Variants in NAP1L1 observed in about 807,000 individuals in gnomAD.
NAP1L1 encodes nucleosome assembly protein 1 like 1.
A neutral mutation model predicts 58.9 loss-of-function variants in NAP1L1; 9 were observed. That is an observed-to-expected ratio of 0.15 (90% CI 0.09 to 0.27). The LOEUF (loss-of-function observed/expected upper bound fraction) is 0.27. NAP1L1 is among the 10% of genes least tolerant of loss of function. The pLI, the probability that NAP1L1 is intolerant of heterozygous loss-of-function variation, is 1.00. For missense variants in NAP1L1, 302 were observed against 458.8 expected (o/e 0.66, Z 3.12); for synonymous variants, 130 against 138.3 (o/e 0.94, Z 0.42).
At chr12:76,081,113 T>C (rs1950390097) in intron 1 of NAP1L1, among the ~76,000 whole-genome samples, 1 of 152,104 alleles carries the variant, frequency 6.6e-6, no homozygotes, top group Non-Finnish European at 1.5e-5. Flanking sequence ...TTTCAGGTAT[T>C]CTAAGCAACA....
rs944720899 is a variant in NAP1L1, at chr12:76,039,828, G to A, written c.*8601C>T. On this transcript the variant is annotated 3_prime_UTR_variant, in exon 15 of 15. Coordinates refer to ENST00000618691, the MANE Select transcript of NAP1L1 (RefSeq NM_004537.7). ...TATTTTTATTATCTTAATGTTAAAC[G>A]AACACTTAGTTCTCCCCAAATTGCT... The A allele has an allele frequency of 2.6e-5, 4 of 152,080 alleles. No individual in the cohort carries two copies. Among genetic ancestry groups the A allele is most frequent in the Non-Finnish European group, 5.9e-5 (4 of 68,010 alleles). 9.4% of individuals were successfully genotyped at this position (152,080 alleles called of 1,614,324 possible).
intron 3 of NAP1L1, among the ~76,000 whole-genome samples, chr12:76,067,983 C>G (rs548406194): frequency 1.5e-4 from 23 of 152,246 alleles, no homozygotes; most frequent in Non-Finnish European, 2.9e-4. Flanking sequence ...TTGGGACAGT[C>G]AAAGACTGTA....
At chr12:76,060,307 C>T in intron 4 of NAP1L1, 28 bp from the exon 5 acceptor site, 2 of 1,603,138 alleles carry the variant, frequency 1.2e-6, no homozygotes, top group Middle Eastern at 1.7e-4. Flanking sequence ...AGTTATATAG[C>T]ATCAGAGTAA....
At chr12:76,050,471 C>G (rs1948765526) in intron 12 of NAP1L1, 60 bp downstream of exon 12, 1 of 1,526,828 alleles carries the variant, frequency 6.5e-7, no homozygotes, top group Non-Finnish European at 8.8e-7. Context: ...TAATCTATTA[C>G]CAATTCTGAC....
At chr12:76,049,559 A>C in intron 13 of NAP1L1, 197 bp downstream of exon 13, 1 of 1,533,704 alleles carries the variant, frequency 6.5e-7, no homozygotes, top group Non-Finnish European at 8.7e-7. Context: ...AAATAAAAAA[A>C]TGTTGCTGAG....
At chr12:76,061,657 A>T (rs900782280) in intron 4 of NAP1L1, among the ~76,000 whole-genome samples, 2 of 152,350 alleles carry the variant, frequency 1.3e-5, no homozygotes, top group African/African-American at 4.8e-5. Context: ...CACACTTAAA[A>T]TTTAAATAAC....
At position 76,042,969 on chromosome 12, in the gene NAP1L1, C is replaced by T. The variant is rs937895907; in HGVS notation, c.*5460G>A. 6.6e-6 allele frequency: 1 copy of T among 152,206 alleles called. No individual in the cohort carries two copies. The highest frequency in any genetic ancestry group is 1.5e-5 in the Non-Finnish European group (1 of 68,028). 9.4% of individuals were successfully genotyped at this position (152,206 alleles called of 1,614,324 possible). On this transcript the variant is annotated 3_prime_UTR_variant, in exon 15 of 15. Transcript: ENST00000618691. ...GTAATATTGATAAGTTACCCCAAAA[C>T]ACCAATCTGGAGTTTGACTAAGGGG...
chr12:76,080,855 C>T (rs970337815), intron 1 of NAP1L1, among the ~76,000 whole-genome samples: 3 of 152,106 alleles, frequency 2.0e-5, no homozygotes, highest in South Asian at 2.1e-4. Context: ...CCCTCACAAA[C>T]GAATTAATCC....
At chr12:76,082,034 A>C (rs1950425641) in intron 1 of NAP1L1, among the ~76,000 whole-genome samples, 1 of 152,184 alleles carries the variant, frequency 6.6e-6, no homozygotes, top group Non-Finnish European at 1.5e-5. Context: ...AGTTACCCAA[A>C]GACTAAACTG....
At chr12:76,050,121 T>G (rs892831054) in intron 12 of NAP1L1, among the ~76,000 whole-genome samples, 1 of 152,170 alleles carries the variant, frequency 6.6e-6, no homozygotes, top group Non-Finnish European at 1.5e-5. Context: ...GCAATAAACA[T>G]ATTCAAAACA....
At position 76,047,734 on chromosome 12, in the gene NAP1L1, G is replaced by T. The variant is rs933577069; in HGVS notation, c.*695C>A. On this transcript the variant is annotated 3_prime_UTR_variant, in exon 15 of 15. Transcript: ENST00000618691. ...AAGGTAGACCCTACCACAAAGAAAA[G>T]ATGCTTAGTTAATGGAGGTTAAATT... 3.3e-5 allele frequency: 5 copies of T among 152,008 alleles called. No homozygotes were observed. Among genetic ancestry groups the T allele is most frequent in the Non-Finnish European group, 7.4e-5 (5 of 67,910 alleles). The allele number at this position is 152,008 out of a possible 1,614,324, so 9.4% of individuals were successfully genotyped here. A position where few individuals can be genotyped will look rare whatever the true frequency, so the allele number is the denominator to read the frequency against.
At chr12:76,058,733 G>A (rs1025298229) in intron 6 of NAP1L1, among the ~76,000 whole-genome samples, 2 of 151,990 alleles carry the variant, frequency 1.3e-5, no homozygotes, top group Non-Finnish European at 1.5e-5. Context: ...TAGACTTTGC[G>A]GTGACCATTT....
In NAP1L1 at chr12:76,050,598, C is replaced by T. The variant is rs1470910169; in HGVS notation, c.992G>A (p.Arg331His). ...AADFEIGHFLRERIIPRSVLY... is the reference protein window; with the variant it reads ...AADFEIGHFLHERIIPRSVLY... ...CACTGATCTTGGGATTATACGCTCACGTAAAAAGTGACCAATTTCGAAGTC... is the reference window on the plus strand; with the variant it reads ...CACTGATCTTGGGATTATACGCTCATGTAAAAAGTGACCAATTTCGAAGTC... Residue 331 changes from arginine (R) to histidine (H), a missense_variant, in exon 12 of 15, where the codon CGT (arginine) becomes CAT (histidine). Physicochemically the swap from Arg to His is conservative, Grantham distance 29 (BLOSUM62 0). Transcript: ENST00000618691. 19 of 1,612,752 alleles carry T rather than the reference C, an allele frequency of 1.2e-5. No individual in the cohort carries two copies. Among genetic ancestry groups the T allele is most frequent in the Non-Finnish European group, 1.6e-5 (19 of 1,179,658 alleles).
intron 11 of NAP1L1, among the ~76,000 whole-genome samples, chr12:76,051,570 G>T (rs1281497178): frequency 6.6e-6 from 1 of 152,040 alleles, no homozygotes; most frequent in Non-Finnish European, 1.5e-5. Flanking sequence ...TTAGAGACAG[G>T]GTCTCGCTAT....
intron 4 of NAP1L1, among the ~76,000 whole-genome samples, chr12:76,063,716 G>A (rs1259364983): frequency 6.6e-6 from 1 of 151,564 alleles, no homozygotes; most frequent in Admixed American, 6.6e-5. Context: ...AGAATCACTT[G>A]AGCCGAAGGA....
chr12:76,082,985 CTTCAA>C (rs1323493269), intron 1 of NAP1L1, among the ~76,000 whole-genome samples: 1 of 152,154 alleles, frequency 6.6e-6, no homozygotes, highest in Non-Finnish European at 1.5e-5. Context: ...AGTGGGATAT[CTTCAA>C]ATGTAGCAGT....
At chr12:76,084,063 C>G (rs1950513802) in intron 1 of NAP1L1, 1 of 152,264 alleles carries the variant, frequency 6.6e-6, no homozygotes, top group East Asian at 1.9e-4. Context: ...CTCCACAGCC[C>G]CTCCCTCCCG....
intron 1 of NAP1L1, among the ~76,000 whole-genome samples, chr12:76,082,077 G>A (rs1950427066): frequency 6.6e-6 from 1 of 152,170 alleles, no homozygotes; most frequent in Admixed American, 6.5e-5. Context: ...TAAACTTGAA[G>A]ATCTGAATAC....
At chr12:76,057,220 G>GA (rs1348765733) in intron 6 of NAP1L1, 1 of 223,674 alleles carries the variant, frequency 4.5e-6, no homozygotes, top group Non-Finnish European at 8.9e-6. Context: ...TTGGGCCCAG[G>GA]AATGAGCTGC....
Sources: allele counts gnomAD v4.1 joint callset (sites outside exome capture counted in the v4.1 genomes callset), GRCh38; gene constraint gnomAD v4.1.1; transcripts MANE v1.5; gene names NCBI Gene and HGNC (gene_info 2026-07-23, HGNC 2026-07-21).